WFDC1: variants seen among roughly 807,000 people sequenced by gnomAD.
WFDC1 encodes the protein WAP four-disulfide core domain protein 1.
WFDC1 carries 39 observed loss-of-function variants against 32.9 expected under a neutral mutation model. The ratio of observed to expected loss-of-function variants is 1.19; its 90% CI spans 0.92 to 1.55. The LOEUF is 1.55. Ranked by LOEUF, WFDC1 falls within the 40% of genes most tolerant of loss-of-function variation. WFDC1 has a pLI of 0.00. For synonymous variants in WFDC1, 184 were observed against 137.4 expected (o/e 1.34, Z -2.37); for missense variants, 386 against 309.5 (o/e 1.25, Z -1.85).
intron 1 of WFDC1, chr16:84,295,663 G>A (rs561163268): frequency 6.4e-6 from 1 of 155,324 alleles, no homozygotes; most frequent in African/African-American, 2.4e-5. Flanking sequence ...GCAGTTGGGT[G>A]ACAAACGATG....
intron 2 of WFDC1, chr16:84,317,583 G>C (rs974411851): frequency 6.6e-6 from 1 of 151,954 alleles, no homozygotes; most frequent in East Asian, 1.9e-4. Context: ...GTTAAAACCA[G>C]GTATATTGGT....
chr16:84,313,369 C>T (rs866992154), intron 2 of WFDC1, among the ~76,000 whole-genome samples: 1 of 152,126 alleles, frequency 6.6e-6, no homozygotes, highest in African/African-American at 2.4e-5. Context: ...TGGGGACTTG[C>T]GTTGTAGGAG....
At chr16:84,313,272 G>T in intron 2 of WFDC1, 119 bp downstream of exon 2, 5 of 938,488 alleles carry the variant, frequency 5.3e-6, no homozygotes, top group Non-Finnish European at 7.0e-6. Flanking sequence ...GGTCTCGGGC[G>T]CCTCCACTGC....
rs772309707 is a variant in WFDC1, at chr16:84,318,339, TGAG to T, written c.410_412del (p.Glu137del). On this transcript the variant is annotated inframe_deletion, in exon 3 of 7. Coordinates refer to ENST00000219454, the MANE Select transcript of WFDC1 (RefSeq NM_021197.4). ...GCAATGGCTGGCTCCTGGATGGCCC[TGAG>T]GAGGTGTTACAAGGTACCTGCCGGG... 1.9e-6 allele frequency: 3 copies of T among 1,614,006 alleles called. No homozygotes were observed. Among genetic ancestry groups the T allele is most frequent in the Non-Finnish European group, 2.5e-6 (3 of 1,179,946 alleles).
intron 4 of WFDC1, among the ~76,000 whole-genome samples, chr16:84,320,851 T>C (rs1449263678): frequency 7.4e-6 from 1 of 135,884 alleles, no homozygotes; most frequent in African/African-American, 2.7e-5. Flanking sequence ...GGGGAGTGCA[T>C]GATCTGCCAA....
chr16:84,303,675 G>T (rs887466619), intron 1 of WFDC1, among the ~76,000 whole-genome samples: 2 of 152,170 alleles, frequency 1.3e-5, no homozygotes, highest in Non-Finnish European at 2.9e-5. Flanking sequence ...TTATTGAAAT[G>T]AAATTCACAT....
chr16:84,319,181 G>A (rs1353419935), intron 3 of WFDC1: 3 of 545,924 alleles, frequency 5.5e-6, no homozygotes, highest in East Asian at 3.0e-5. Flanking sequence ...GAGCCTGTGA[G>A]AGTATGTTTG....
chr16:84,306,400 G>T (rs548203878), intron 1 of WFDC1, among the ~76,000 whole-genome samples: 1 of 152,166 alleles, frequency 6.6e-6, no homozygotes, highest in Non-Finnish European at 1.5e-5. Context: ...GTTAGGAAGC[G>T]TTCCGAGTAG....
intron 1 of WFDC1, among the ~76,000 whole-genome samples, chr16:84,308,933 G>T (rs768264739): frequency 6.6e-6 from 1 of 152,130 alleles, no homozygotes; most frequent in African/African-American, 2.4e-5. Flanking sequence ...GCCATCCTGG[G>T]TGTAGACACC....
At position 84,326,944 on chromosome 16, in the gene WFDC1, A is replaced by C; in HGVS notation, c.*4A>C. ...ACAACAGAAGCACTTTCAGTAAAGC[A>C]ACGGCAAGCAGGTGAGTGGGCAGAG... On this transcript the variant is annotated 3_prime_UTR_variant, in exon 6 of 7. Coordinates refer to ENST00000219454, the MANE Select transcript of WFDC1 (RefSeq NM_021197.4). 6.2e-7 allele frequency: 1 copy of C among 1,614,136 alleles called. No homozygotes were observed. Among genetic ancestry groups the C allele is most frequent in the Non-Finnish European group, 8.5e-7 (1 of 1,180,030 alleles).
intron 2 of WFDC1, chr16:84,317,200 G>T (rs186934949): frequency 6.6e-6 from 1 of 152,242 alleles, no homozygotes; most frequent in Non-Finnish European, 1.5e-5. Flanking sequence ...GACTGAGAGA[G>T]GAGAACTGCC....
At chr16:84,320,066 C>A (rs1908219675) in intron 4 of WFDC1, among the ~76,000 whole-genome samples, 1 of 152,198 alleles carries the variant, frequency 6.6e-6, no homozygotes, top group Non-Finnish European at 1.5e-5. Context: ...GGTGCAGAAG[C>A]AACATGCATT....
chr16:84,313,973 T>A (rs1597681029), intron 2 of WFDC1, among the ~76,000 whole-genome samples: 1 of 150,896 alleles, frequency 6.6e-6, no homozygotes, highest in Non-Finnish European at 1.5e-5. Context: ...ACCCAGGAGG[T>A]GGAGCTTGCA....
intron 1 of WFDC1, among the ~76,000 whole-genome samples, chr16:84,305,870 G>A (rs1187364731): frequency 6.6e-6 from 1 of 152,094 alleles, no homozygotes; most frequent in Non-Finnish European, 1.5e-5. Flanking sequence ...AGGCGTGGTG[G>A]CGGGCACCTG....
intron 1 of WFDC1, among the ~76,000 whole-genome samples, chr16:84,297,880 A>G (rs1223353663): frequency 6.6e-6 from 1 of 152,080 alleles, no homozygotes; most frequent in South Asian, 2.1e-4. Flanking sequence ...CTTACGGATG[A>G]TAGGAAGCAG....
intron 6 of WFDC1, 22 bp downstream of exon 6, chr16:84,326,977 G>A (rs1908642782): frequency 1.9e-6 from 3 of 1,612,950 alleles, no homozygotes; most frequent in Non-Finnish European, 2.5e-6. Context: ...GAGAGCAAGA[G>A]TCATGGCCAG....
intron 1 of WFDC1, 90 bp from the exon 2 acceptor site, chr16:84,312,871 C>T: frequency 1.2e-6 from 1 of 808,954 alleles, no homozygotes; most frequent in Non-Finnish European, 1.6e-6. Flanking sequence ...CAGAGAGGCC[C>T]GGCGCACTGC....
Position 84,297,617 on chromosome 16 carries a change from CAA to C in WFDC1, c.144+2531_144+2532del, listed in dbSNP as rs150683526. 4.0e-3 allele frequency among the ~76,000 whole-genome samples: 281 copies of C among 69,442 alleles called. 2 individuals carry two copies. Among genetic ancestry groups the C allele is most frequent in the South Asian group, 0.013 (20 of 1,488 alleles). 45.6% of individuals were successfully genotyped at this position (69,442 alleles called of 152,430 possible). Reference sequence around the variant, plus strand: ...GGGCAACAAGAGTGAAACTCTGTCTCAAAAAAAAAAAAAAAAAAAAAAAAAAA... The same window carrying C: ...GGGCAACAAGAGTGAAACTCTGTCTCAAAAAAAAAAAAAAAAAAAAAAAAA... On this transcript the variant is annotated intron_variant, in intron 1 of 6. Coordinates refer to ENST00000219454, the MANE Select transcript of WFDC1 (RefSeq NM_021197.4).
Position 84,324,430 on chromosome 16 carries a change from C to A in WFDC1, c.574C>A (p.Leu192Ile). 6.2e-7 allele frequency: 1 copy of A among 1,613,752 alleles called. No homozygotes were observed. The highest frequency in any genetic ancestry group is 8.5e-7 in the Non-Finnish European group (1 of 1,179,904). The change falls in exon 5 of 7, where the codon CTA (leucine) becomes ATA (isoleucine). Residue 192 changes from leucine (L) to isoleucine (I), a missense_variant. Coordinates refer to ENST00000219454, the MANE Select transcript of WFDC1 (RefSeq NM_021197.4). ...CACTTGTTTTCCAGATGGGCGAATC[C>A]TACGACACAAACTTTACAAAGAATA... ...KQRRQADGRI[L>I]RHKLYKEYPE...
Sources: allele counts gnomAD v4.1 joint callset (sites outside exome capture counted in the v4.1 genomes callset), GRCh38; gene constraint gnomAD v4.1.1; transcripts MANE v1.5; gene names NCBI Gene and HGNC (gene_info 2026-07-23, HGNC 2026-07-21).